The following CCDC12 variants were observed in gnomAD, a reference collection of about 807,000 sequenced individuals.
The protein encoded by CCDC12 is coiled-coil domain-containing protein 12.
Under a neutral mutation model 25.7 loss-of-function variants are expected in CCDC12, and 28 were observed. The observed-to-expected ratio is 1.09, with a 90% confidence interval of 0.81 to 1.50. CCDC12 has a LOEUF of 1.50. Among genes scored for constraint, CCDC12 ranks in the 40% most tolerant of loss-of-function variants. CCDC12 has a pLI of 0.00. For missense variants in CCDC12, 198 were observed against 210.0 expected, an observed-to-expected ratio of 0.94 and a Z score of 0.35; for synonymous variants, 75 against 87.7, an observed-to-expected ratio of 0.86 and a Z score of 0.81.
chr3:46,924,382 T>A (rs1021743447), intron 3 of CCDC12, among the ~76,000 whole-genome samples: 2 of 152,188 alleles, frequency 1.3e-5, no homozygotes, highest in Non-Finnish European at 2.9e-5. Flanking sequence ...CAGTGCACCA[T>A]TACCCTACCA....
chr3:46,978,533 C>T (rs926607704), upstream of CCDC12, among the ~76,000 whole-genome samples: 1 of 149,486 alleles, frequency 6.7e-6, no homozygotes, highest in Non-Finnish European at 1.5e-5. Flanking sequence ...CCCCGTGCCC[C>T]TTTCCCCGTG....
intron 1 of CCDC12, among the ~76,000 whole-genome samples, chr3:46,952,277 C>T (rs1355754150): frequency 1.3e-5 from 2 of 152,162 alleles, no homozygotes; most frequent in African/African-American, 4.8e-5. Context: ...TGTGAGCCTT[C>T]CAACAGCACC....
At chr3:46,976,804 C>G (rs1019003153), upstream of CCDC12, 1 of 1,547,524 alleles carries the variant, frequency 6.5e-7, no homozygotes, top group Non-Finnish European at 8.7e-7. Context: ...ATAAATGTCT[C>G]GCGGCCAATC....
At chr3:46,969,367 T>C (rs2034732185) in intron 1 of CCDC12, among the ~76,000 whole-genome samples, 1 of 152,214 alleles carries the variant, frequency 6.6e-6, no homozygotes, top group Non-Finnish European at 1.5e-5. Context: ...TAGCTGGGAC[T>C]GCAGGAGCGG....
chr3:46,976,711 C>A lies in CCDC12; in HGVS notation c.22G>T (p.Val8Leu), dbSNP rs1301056058. The A allele has an allele frequency of 6.2e-7, 1 of 1,603,948 alleles. No homozygotes were observed. Among genetic ancestry groups the A allele is most frequent in the Non-Finnish European group, 8.5e-7 (1 of 1,175,644 alleles). The change falls in exon 1 of 7, where the codon GTG (valine) becomes TTG (leucine). Residue 8 changes from valine (V) to leucine (L), a missense_variant. Transcript: ENST00000683445. ...AACGCCTCTTCCTCTAGCCGGCCCA[C>A]ACCAGCCGTAGTTGCCTCCATCTTG... MEATTAG[V>L]GRLEEEALRR...
Position 46,950,496 on chromosome 3 carries a change from T to TGG in CCDC12, c.97-9433_97-9432dup, listed in dbSNP as rs745351220. Among the ~76,000 whole-genome samples the TGG allele has an allele frequency of 8.8e-4, 131 of 149,206 alleles. 2 individuals carry two copies. Among genetic ancestry groups the TGG allele is most frequent in the East Asian group, 5.3e-3 (27 of 5,096 alleles). The stretch of plus-strand genomic sequence containing the variant: ...CCATGCACAGCTTTTTTTTTTTTTT[T>TGG]GGGGTAGAGACAGGGTCTAACTATA... On this transcript the variant is annotated intron_variant, in intron 1 of 6. Transcript: ENST00000683445.
chr3:46,971,238 C>T (rs962942564), intron 1 of CCDC12, among the ~76,000 whole-genome samples: 5 of 152,278 alleles, frequency 3.3e-5, no homozygotes, highest in Non-Finnish European at 7.3e-5. Context: ...CAGGCTCTGC[C>T]TGGCTTTCCC....
At chr3:46,942,197 T>G (rs1293912137) in intron 1 of CCDC12, among the ~76,000 whole-genome samples, 1 of 152,266 alleles carries the variant, frequency 6.6e-6, no homozygotes, top group Non-Finnish European at 1.5e-5. Context: ...TAGGTCAGCC[T>G]GCCTGTGGAC....
chr3:46,954,995 G>A (rs1433075080), intron 1 of CCDC12, among the ~76,000 whole-genome samples: 2 of 152,146 alleles, frequency 1.3e-5, no homozygotes, highest in African/African-American at 4.8e-5. Context: ...TGGTATCCAC[G>A]TCACACCACT....
chr3:46,931,740 G>A (rs978947571), intron 2 of CCDC12, among the ~76,000 whole-genome samples: 1 of 152,224 alleles, frequency 6.6e-6, no homozygotes, highest in Non-Finnish European at 1.5e-5. Flanking sequence ...AGAGAGAACT[G>A]CTGTGAGGCA....
intron 2 of CCDC12, among the ~76,000 whole-genome samples, chr3:46,937,526 T>C (rs979320715): frequency 6.6e-6 from 1 of 152,188 alleles, no homozygotes; most frequent in African/African-American, 2.4e-5. Flanking sequence ...CACTGGCGAA[T>C]GGCCTCAGGG....
At chr3:46,934,748 C>T (rs565077059) in intron 2 of CCDC12, among the ~76,000 whole-genome samples, 3 of 152,304 alleles carry the variant, frequency 2.0e-5, no homozygotes, top group South Asian at 2.1e-4. Flanking sequence ...TCAGGAAAAA[C>T]GAGGCAGTCG....
chr3:46,961,539 T>C (rs2034465736), intron 1 of CCDC12, among the ~76,000 whole-genome samples: 1 of 152,196 alleles, frequency 6.6e-6, no homozygotes, highest in Non-Finnish European at 1.5e-5. Context: ...GGAGTCCATG[T>C]TGTCTTTTCT....
Position 46,923,059 on chromosome 3 carries a change from T to C in CCDC12, c.341+270A>G, listed in dbSNP as rs1029254283. The C allele has an allele frequency of 8.4e-5, 30 of 356,726 alleles. 1 individual carries two copies. Among genetic ancestry groups the C allele is most frequent in the South Asian group, 5.4e-4 (4 of 7,412 alleles). The allele number at this position is 356,726 out of a possible 1,614,324, so 22.1% of individuals were successfully genotyped here. A position where few individuals can be genotyped will look rare whatever the true frequency, so the allele number is the denominator to read the frequency against. ...CGGTTGGCCTTGCTCAAATGGGAGC[T>C]CTGGAGCAGATGGGCTCTCAACCTC... On this transcript the variant is annotated intron_variant, in intron 5 of 6. Transcript: ENST00000683445.
At chr3:46,956,888 G>C (rs2034306100) in intron 1 of CCDC12, among the ~76,000 whole-genome samples, 1 of 152,182 alleles carries the variant, frequency 6.6e-6, no homozygotes, top group South Asian at 2.1e-4. Flanking sequence ...GGAGATCCAG[G>C]TGAAGTGTGC....
chr3:46,946,661 C>T (rs543557858), intron 1 of CCDC12, among the ~76,000 whole-genome samples: 6 of 152,358 alleles, frequency 3.9e-5, no homozygotes, highest in Non-Finnish European at 5.9e-5. Context: ...TGGTAGCCTA[C>T]AAGATGTGTC....
At chr3:46,972,321 T>TA (rs1476223299) in intron 1 of CCDC12, among the ~76,000 whole-genome samples, 16 of 151,824 alleles carry the variant, frequency 1.1e-4, no homozygotes, top group Admixed American at 6.6e-5. Flanking sequence ...AATTAATTTT[T>TA]AAAAAAATGA....
At chr3:46,950,496 T>TGAG in intron 1 of CCDC12, among the ~76,000 whole-genome samples, 1 of 149,202 alleles carries the variant, frequency 6.7e-6, no homozygotes, top group African/African-American at 2.5e-5. Flanking sequence ...TTTTTTTTTT[T>TGAG]GGGGTAGAGA....
intron 2 of CCDC12, among the ~76,000 whole-genome samples, chr3:46,938,545 G>GTTTTAT (rs1274230265): frequency 2.2e-5 from 3 of 133,650 alleles, no homozygotes; most frequent in South Asian, 2.4e-4. Context: ...TTTTTTTTTG[G>GTTTTAT]TACAACAAAA....
Sources: gnomAD v4.1 joint callset for allele counts (sites outside exome capture counted in the v4.1 genomes callset) on GRCh38, gnomAD v4.1.1 for gene constraint, MANE v1.5 for transcripts, NCBI Gene and HGNC (gene_info 2026-07-23, HGNC 2026-07-21) for gene names.